Variants in CCDC171 observed in about 807,000 individuals in gnomAD.
The protein encoded by CCDC171 is coiled-coil domain containing 171, also known as coiled-coil domain-containing protein 171.
A neutral mutation model predicts 168.2 loss-of-function variants in CCDC171; 177 were observed. The observed-to-expected ratio is 1.05, with a 90% CI of 0.93 to 1.19. CCDC171 has a LOEUF of 1.19. CCDC171 is among the 50% of genes most tolerant of loss of function. The probability of loss-of-function intolerance (pLI) is 0.00; values close to 1 mark genes in which losing one functional copy is unlikely to be tolerated. For synonymous variants in CCDC171, 687 were observed against 540.8 expected (o/e 1.27, Z -3.75); for missense variants, 1,991 against 1,539.0 (o/e 1.29, Z -4.91).
At chr9:15,684,101 CA>C (rs1207274415) in intron 10 of CCDC171, among the ~76,000 whole-genome samples, 4 of 151,950 alleles carry the variant, frequency 2.6e-5, no homozygotes, top group African/African-American at 9.7e-5. Context: ...ATGCATTGTG[CA>C]TATAATGGTA....
At chr9:16,059,610 G>A (rs1270215005) in intron 1 of CCDC171, among the ~76,000 whole-genome samples, 2 of 145,796 alleles carry the variant, frequency 1.4e-5, no homozygotes, top group African/African-American at 5.3e-5. Flanking sequence ...CGCTTCCCAG[G>A]TTCACGCCAT....
intron 25 of CCDC171, among the ~76,000 whole-genome samples, chr9:15,926,189 A>C (rs553983614): frequency 1.3e-5 from 2 of 151,738 alleles, no homozygotes; most frequent in Admixed American, 6.6e-5. Context: ...GACACATTGT[A>C]AAGTGGGAAG....
intron 21 of CCDC171, among the ~76,000 whole-genome samples, chr9:15,787,738 C>G (rs1017661905): frequency 2.6e-5 from 4 of 152,164 alleles, no homozygotes; most frequent in African/African-American, 9.7e-5. Context: ...ACATTCTCTC[C>G]TAAGATATAT....
intron 24 of CCDC171, among the ~76,000 whole-genome samples, chr9:15,896,332 T>C (rs1820894199): frequency 1.3e-5 from 2 of 152,072 alleles, no homozygotes; most frequent in South Asian, 4.1e-4. Flanking sequence ...AAAAGTCTGC[T>C]GCAAAAGTGT....
intron 21 of CCDC171, among the ~76,000 whole-genome samples, chr9:15,829,641 T>C (rs984337361): frequency 1.3e-5 from 2 of 152,100 alleles, no homozygotes; most frequent in African/African-American, 4.8e-5. Context: ...CTATGTAGGC[T>C]GGGCATGGTG....
rs1474064250 is a variant in CCDC171 at position 15,971,721 on chromosome 9, A to C, written c.3866A>C (p.Tyr1289Ser). 6.2e-7 allele frequency: 1 copy of C among 1,613,706 alleles called. No homozygotes were observed. Among genetic ancestry groups the C allele is most frequent in the African/African-American group, 1.3e-5 (1 of 74,914 alleles). Reference sequence around the variant, plus strand: ...TTGAAAGCTGAACTTGATACTACTTACACTTTCTTAAAGGAGACATTTATA... The same window carrying C: ...TTGAAAGCTGAACTTGATACTACTTCCACTTTCTTAAAGGAGACATTTATA... ...LPLKAELDTT[Y>S]TFLKETFINT... Residue 1289 changes from tyrosine to serine, a missense_variant, in exon 26 of 26, where the codon TAC becomes TCC. Tyr to Ser is a moderately radical substitution (Grantham distance 144). Transcript: ENST00000380701.
chr9:15,727,890 A>G lies in CCDC171; in HGVS notation c.1714A>G (p.Thr572Ala). 1.2e-6 allele frequency: 2 copies of G among 1,609,520 alleles called. No homozygotes were observed. Among genetic ancestry groups the G allele is most frequent in the South Asian group, 1.1e-5 (1 of 89,976 alleles). The part of the protein sequence containing the change: ...DAEEKLTFLH[T>A]LYQHLVAGCV... ...GCAGGAGAAGCTAACCTTCCTTCAC[A>G]CCTTATATCAGCACTTGGTAGCAGG... The change falls in exon 15 of 26, where the codon ACC becomes GCC. Residue 572 changes from threonine (T) to alanine (A), a missense_variant. Thr to Ala is a moderately conservative substitution (Grantham distance 58). Coordinates refer to ENST00000380701, the MANE Select transcript of CCDC171 (RefSeq NM_173550.4).
At chr9:15,663,524 A>G (rs2048477977) in intron 8 of CCDC171, among the ~76,000 whole-genome samples, 1 of 151,940 alleles carries the variant, frequency 6.6e-6, no homozygotes, top group Non-Finnish European at 1.5e-5. Context: ...GCTGATGTGG[A>G]ACCTGCTATT....
the CCDC171 span, among the ~76,000 whole-genome samples, chr9:16,076,599 C>G: frequency 6.6e-6 from 1 of 152,220 alleles, no homozygotes; most frequent in African/African-American, 2.4e-5. Flanking sequence ...GCTCTCTCCG[C>G]CCCACTCAGC....
At chr9:16,090,318 GA>G in the CCDC171 span, among the ~76,000 whole-genome samples, 61 of 151,908 alleles carry the variant, frequency 4.0e-4, no homozygotes, top group Non-Finnish European at 6.8e-4. Flanking sequence ...ACTAACACAG[GA>G]ACAGAAAAAC....
intron 3 of CCDC171, among the ~76,000 whole-genome samples, chr9:15,993,175 T>C (rs1256063317): frequency 5.9e-5 from 9 of 151,722 alleles, no homozygotes; most frequent in Admixed American, 2.0e-4. Context: ...GGAGGCATCA[T>C]GCTACCTGAC....
At chr9:15,595,882 A>G (rs1564010509) in intron 6 of CCDC171, among the ~76,000 whole-genome samples, 1 of 152,086 alleles carries the variant, frequency 6.6e-6, no homozygotes, top group Non-Finnish European at 1.5e-5. Context: ...TTTGATTTGC[A>G]TTTCTCTGAT....
At chr9:15,611,326 C>T (rs565301806) in intron 6 of CCDC171, among the ~76,000 whole-genome samples, 11 of 152,330 alleles carry the variant, frequency 7.2e-5, no homozygotes, top group South Asian at 4.1e-4. Flanking sequence ...CATGCAGGAA[C>T]AGCCTAATAC....
In CCDC171 at chr9:15,879,394, T is replaced by C. The variant is rs182065285; in HGVS notation, c.3600+4731T>C. On this transcript the variant is annotated intron_variant, in intron 24 of 25. Coordinates refer to ENST00000380701, the MANE Select transcript of CCDC171 (RefSeq NM_173550.4). ...TACAATGTGCAATGATCAATCAGGG[T>C]AATTTGGTTATCTGTCCCCTCGAAT... is the stretch of plus-strand genomic sequence containing the variant. Among the ~76,000 whole-genome samples, 281 of 152,318 alleles carry C rather than the reference T, an allele frequency of 1.8e-3. 4 individuals are homozygous for C. The highest frequency in any genetic ancestry group is 0.017 in the Admixed American group (259 of 15,294).
chr9:15,751,558 A>G (rs1319479484), intron 18 of CCDC171, among the ~76,000 whole-genome samples: 1 of 152,360 alleles, frequency 6.6e-6, no homozygotes, highest in Middle Eastern at 3.4e-3. Context: ...GTACCAAAAC[A>G]GATATATAGA....
chr9:15,710,050 A>C (rs2052542848), intron 11 of CCDC171, among the ~76,000 whole-genome samples: 1 of 152,150 alleles, frequency 6.6e-6, no homozygotes, highest in East Asian at 1.9e-4. Flanking sequence ...TATTATATTG[A>C]AAACATGAAA....
chr9:15,889,511 G>T (rs1478952874), intron 24 of CCDC171, among the ~76,000 whole-genome samples: 1 of 152,136 alleles, frequency 6.6e-6, no homozygotes, highest in Non-Finnish European at 1.5e-5. Context: ...GAATTGTGTA[G>T]TATTTTATGC....
At chr9:15,999,262 A>G (rs1162639850) in intron 3 of CCDC171, among the ~76,000 whole-genome samples, 1 of 150,870 alleles carries the variant, frequency 6.6e-6, no homozygotes, top group Non-Finnish European at 1.5e-5. Flanking sequence ...GAAAGAGAGA[A>G]AGAGAAAGAA....
At chr9:16,035,809 C>T (rs550459954) in intron 7 of CCDC171, among the ~76,000 whole-genome samples, 1 of 152,166 alleles carries the variant, frequency 6.6e-6, no homozygotes, top group Non-Finnish European at 1.5e-5. Flanking sequence ...ATGTCAGTCA[C>T]TGGGCTATGT....
Sources: allele counts gnomAD v4.1 joint callset (sites outside exome capture counted in the v4.1 genomes callset), GRCh38; gene constraint gnomAD v4.1.1; transcripts MANE v1.5; gene names NCBI Gene and HGNC (gene_info 2026-07-23, HGNC 2026-07-21).